The following MFSD6 variants were observed in gnomAD, a reference collection of about 807,000 sequenced individuals.
The protein encoded by MFSD6 is major facilitator superfamily domain-containing protein 6.
A neutral mutation model predicts 56.3 loss-of-function variants in MFSD6; 26 were observed. That is an observed-to-expected ratio of 0.46 (90% CI 0.34 to 0.64). MFSD6 has a LOEUF of 0.64. Ranked by LOEUF, MFSD6 falls within the 30% of genes least tolerant of loss-of-function variation. The probability of loss-of-function intolerance (pLI) is 0.01; values close to 1 mark genes in which losing one functional copy is unlikely to be tolerated. For missense variants in MFSD6, 750 were observed against 986.2 expected (o/e 0.76, Z 3.21); for synonymous variants, 331 against 366.9 (o/e 0.90, Z 1.12).
At chr2:190,429,994 C>T (rs985660412) in intron 2 of MFSD6, among the ~76,000 whole-genome samples, 1 of 151,170 alleles carries the variant, frequency 6.6e-6, no homozygotes, top group African/African-American at 2.4e-5. Context: ...TATCCCTCCC[C>T]CAGCTCCCCA....
At chr2:190,453,621 C>T (rs960314668) in intron 3 of MFSD6, among the ~76,000 whole-genome samples, 30 of 152,216 alleles carry the variant, frequency 2.0e-4, no homozygotes, top group African/African-American at 6.5e-4. Flanking sequence ...ATAAAAATTA[C>T]ATCCTAATGT....
rs1685704380 is a variant in MFSD6 at position 190,423,751 on chromosome 2, A to G, written c.-54+8338A>G. 6.6e-6 allele frequency among the ~76,000 whole-genome samples: 1 copy of G among 152,204 alleles called. No individual in the cohort carries two copies. Among genetic ancestry groups the G allele is most frequent in the Non-Finnish European group, 1.5e-5 (1 of 68,030 alleles). ...GAGTGGTGTACCATTTTAAATCCCC[A>G]CCCACAGTATATGAGTAATTTGGTA... On this transcript the variant is annotated intron_variant, in intron 2 of 7. Transcript: ENST00000392328. The surrounding 1 kb of genome is among the most constrained non-coding windows in gnomAD (Gnocchi z 4.3).
chr2:190,457,092 C>CA lies in MFSD6; in HGVS notation c.1533-12664dup, dbSNP rs1376084409. Among the ~76,000 whole-genome samples, 1 of 152,200 alleles carries CA rather than the reference C, an allele frequency of 6.6e-6. No individual in the cohort carries two copies. The highest frequency in any genetic ancestry group is 2.4e-5 in the African/African-American group (1 of 41,450). On this transcript the variant is annotated intron_variant, in intron 3 of 7. Coordinates refer to ENST00000392328, the MANE Select transcript of MFSD6 (RefSeq NM_017694.4). This position sits in a 1 kb window ranked among gnomAD's most constrained non-coding sequence, Gnocchi z 5.1. ...CACTGCTAGTCCGTTTCTTATGGTC[C>CA]AATCCAGAGGTATTTCCTCAAGCCC...
In MFSD6 at chr2:190,431,550, C is replaced by T. The variant is rs546866456; in HGVS notation, c.-53-4427C>T. On this transcript the variant is annotated intron_variant, in intron 2 of 7. Transcript: ENST00000392328. This position sits in a 1 kb window ranked among gnomAD's most constrained non-coding sequence, Gnocchi z 4.4. The stretch of plus-strand genomic sequence containing the variant: ...AAACCCCGTCTCCACCAAAAAAATA[C>T]GAAAACCAGTCAGGTGTGGCGGCGC... 5.3e-5 allele frequency among the ~76,000 whole-genome samples: 8 copies of T among 152,328 alleles called. No individual in the cohort carries two copies. The highest frequency in any genetic ancestry group is 1.9e-4 in the African/African-American group (8 of 41,582).
At position 190,434,569 on chromosome 2, in the gene MFSD6, G is replaced by A. The variant is rs1686113268; in HGVS notation, c.-53-1408G>A. 6.6e-6 allele frequency among the ~76,000 whole-genome samples: 1 copy of A among 152,146 alleles called. No homozygotes were observed. Among genetic ancestry groups the A allele is most frequent in the Admixed American group, 6.5e-5 (1 of 15,278 alleles). ...GCCTGCCTCAGCTTCCCAAGTAGCT[G>A]GGACTACATGCGTGCCACCAGGCCC... On this transcript the variant is annotated intron_variant, in intron 2 of 7. Transcript: ENST00000392328. This position sits in a 1 kb window ranked among gnomAD's most constrained non-coding sequence, Gnocchi z 4.3.
rs1327569303 is a variant in MFSD6, at chr2:190,438,945, T to A, written c.1532+1384T>A. Among the ~76,000 whole-genome samples, 2 of 152,190 alleles carry A rather than the reference T, an allele frequency of 1.3e-5. No homozygotes were observed. The highest frequency in any genetic ancestry group is 4.8e-5 in the African/African-American group (2 of 41,442). ...GGAGGTGGTGTTCTGTTCCTTCCCT[T>A]TCTCAGATCTTCGATCCCTTTGTTG... On this transcript the variant is annotated intron_variant, in intron 3 of 7. Transcript: ENST00000392328. The surrounding 1 kb of genome is among the most constrained non-coding windows in gnomAD (Gnocchi z 5.2).
chr2:190,494,703 G>A lies in MFSD6; in HGVS notation c.1892-2736G>A, dbSNP rs2125258248. Among the ~76,000 whole-genome samples the A allele has an allele frequency of 6.6e-6, 1 of 152,210 alleles. No individual in the cohort carries two copies. Among genetic ancestry groups the A allele is most frequent in the South Asian group, 2.1e-4 (1 of 4,826 alleles). On this transcript the variant is annotated intron_variant, in intron 6 of 7. Coordinates refer to ENST00000392328, the MANE Select transcript of MFSD6 (RefSeq NM_017694.4). The surrounding 1 kb of genome is among the most constrained non-coding windows in gnomAD (Gnocchi z 5.7). ...TGCAGGAATGGTTTAACATATGCAA[G>A]CCAATAAATGTCTTTCACCACATAA...
chr2:190,414,640 ACT>A lies in MFSD6; in HGVS notation c.-175-649_-175-648del, dbSNP rs1380283572. On this transcript the variant is annotated intron_variant, in intron 1 of 7. Transcript: ENST00000392328. The stretch of plus-strand genomic sequence containing the variant: ...TGAATGATCAGACCTCAATTTAATA[ACT>A]CTATAATTTTTCAGGAACTCCGGGA... Among the ~76,000 whole-genome samples, 16 of 152,196 alleles carry A rather than the reference ACT, an allele frequency of 1.1e-4. No homozygotes were observed. The East Asian group carries it at 2.7e-3, about 26-fold the overall frequency.
intron 1 of MFSD6, chr2:190,411,039 A>G: frequency 2.4e-6 from 2 of 849,974 alleles, no homozygotes; most frequent in Non-Finnish European, 2.8e-6. Context: ...TGGGCAACAG[A>G]GCGAGACTCT....
chr2:190,422,791 T>C (rs1230905731), intron 2 of MFSD6, among the ~76,000 whole-genome samples: 1 of 152,140 alleles, frequency 6.6e-6, no homozygotes, highest in African/African-American at 2.4e-5. Flanking sequence ...CTTCCCTTAA[T>C]TTTTTTCTTT....
At chr2:190,475,074 A>G (rs1425715372) in intron 4 of MFSD6, among the ~76,000 whole-genome samples, 1 of 152,210 alleles carries the variant, frequency 6.6e-6, no homozygotes, top group Non-Finnish European at 1.5e-5. Context: ...TCAAAATAAT[A>G]AGAGCTATCT....
rs1690669937 is a variant in MFSD6, at chr2:190,413,849, T to G, written c.-175-1443T>G. Among the ~76,000 whole-genome samples, 1 of 152,066 alleles carries G rather than the reference T, an allele frequency of 6.6e-6. No individual in the cohort carries two copies. Among genetic ancestry groups the G allele is most frequent in the Admixed American group, 6.6e-5 (1 of 15,260 alleles). ...TATACTGTGGGGTGAAGAGGAGACA[T>G]GGCAGTCAGGGCCCAGGATTCCAGG... On this transcript the variant is annotated intron_variant, in intron 1 of 7. Transcript: ENST00000392328. This position sits in a 1 kb window ranked among gnomAD's most constrained non-coding sequence, Gnocchi z 4.1.
chr2:190,412,450 A>C lies in MFSD6; in HGVS notation c.-175-2842A>C. 1.0e-6 allele frequency: 1 copy of C among 985,456 alleles called. No individual in the cohort carries two copies. Among genetic ancestry groups the C allele is most frequent in the Non-Finnish European group, 1.2e-6 (1 of 829,926 alleles). 61.0% of individuals were successfully genotyped at this position (985,456 alleles called of 1,614,324 possible). Reference sequence around the variant, plus strand: ...TGTTCAATAGGTTATCTTTAAAGGCAGAAATCAAGTGCAAAGTCCTACCCT... The same window carrying C: ...TGTTCAATAGGTTATCTTTAAAGGCCGAAATCAAGTGCAAAGTCCTACCCT... On this transcript the variant is annotated intron_variant, in intron 1 of 7. Transcript: ENST00000392328. This position sits in a 1 kb window ranked among gnomAD's most constrained non-coding sequence, Gnocchi z 4.1.
rs191134873 is a variant in MFSD6, at chr2:190,468,647, C to T, written c.1533-1111C>T. 8.4e-3 allele frequency among the ~76,000 whole-genome samples: 1,187 copies of T among 142,078 alleles called. 12 individuals carry two copies. The highest frequency in any genetic ancestry group is 0.029 in the African/African-American group (1,094 of 38,200). The allele number at this position is 142,078 out of a possible 152,430, so 93.2% of individuals were successfully genotyped here. On this transcript the variant is annotated intron_variant, in intron 3 of 7. Transcript: ENST00000392328. ...TTTTTTTTTTTTTTTTTGGTAGAGA[C>T]AGGTTCTCACTATGTTGCCCAGGCT...
Position 190,477,003 on chromosome 2 carries a change from A to G in MFSD6, c.1630+7148A>G, listed in dbSNP as rs112312980. ...CTCACTCATAGGTGGGAATTGAACA[A>G]TGTGAACACATGGACACAGGAAGGG... On this transcript the variant is annotated intron_variant, in intron 4 of 7. Coordinates refer to ENST00000392328, the MANE Select transcript of MFSD6 (RefSeq NM_017694.4). Among the ~76,000 whole-genome samples the G allele has an allele frequency of 2.5e-3, 339 of 137,478 alleles. 3 individuals are homozygous for G. Among genetic ancestry groups the G allele is most frequent in the African/African-American group, 3.7e-3 (135 of 36,344 alleles). The allele number at this position is 137,478 out of a possible 152,430, so 90.2% of individuals were successfully genotyped here. A position where few individuals can be genotyped will look rare whatever the true frequency, so the allele number is the denominator to read the frequency against.
In MFSD6 at chr2:190,492,141, C is replaced by T. The variant is rs1056916352; in HGVS notation, c.1891+2275C>T. On this transcript the variant is annotated intron_variant, in intron 6 of 7. Coordinates refer to ENST00000392328, the MANE Select transcript of MFSD6 (RefSeq NM_017694.4). The surrounding 1 kb of genome is among the most constrained non-coding windows in gnomAD (Gnocchi z 5.2). Reference sequence around the variant, plus strand: ...AATTTTAAAAAATGAACAAAGCCTCCAAGAAGTTTAGGATTATGTTAAATA... The same window carrying T: ...AATTTTAAAAAATGAACAAAGCCTCTAAGAAGTTTAGGATTATGTTAAATA... Among the ~76,000 whole-genome samples, 1 of 152,012 alleles carries T rather than the reference C, an allele frequency of 6.6e-6. No homozygotes were observed.
Position 190,436,866 on chromosome 2 carries a change from T to G in MFSD6, c.837T>G (p.Tyr279Ter). ...SLPSDQVMLV[Y>*]DQQEVEAIFL... ...CTTCTGACCAAGTCATGCTTGTTTA[T>G]GATCAACAAGAAGTTGAAGCTATAT... The change falls in exon 3 of 8, where the codon TAT becomes TAG. Residue 279 changes from tyrosine to a stop codon, truncating the protein, a stop_gained. Transcript: ENST00000392328. LOFTEE classifies it high-confidence loss of function. This position sits in a 1 kb window ranked among gnomAD's most constrained non-coding sequence, Gnocchi z 5.3. 1 of 1,614,272 alleles carries G rather than the reference T, an allele frequency of 6.2e-7. No individual in the cohort carries two copies. The highest frequency in any genetic ancestry group is 8.5e-7 in the Non-Finnish European group (1 of 1,180,042).
At position 190,416,675 on chromosome 2, in the gene MFSD6, A is replaced by G. The variant is rs1164672778; in HGVS notation, c.-54+1262A>G. On this transcript the variant is annotated intron_variant, in intron 2 of 7. Coordinates refer to ENST00000392328, the MANE Select transcript of MFSD6 (RefSeq NM_017694.4). The surrounding 1 kb of genome is among the most constrained non-coding windows in gnomAD (Gnocchi z 4.1). Reference sequence around the variant, plus strand: ...AAAATAAGACCCAGAGTTTTAATGAAATATCTGGAATAAAACTACAACTAC... The same window carrying G: ...AAAATAAGACCCAGAGTTTTAATGAGATATCTGGAATAAAACTACAACTAC... 6.6e-6 allele frequency among the ~76,000 whole-genome samples: 1 copy of G among 152,218 alleles called. No homozygotes were observed. Among genetic ancestry groups the G allele is most frequent in the Non-Finnish European group, 1.5e-5 (1 of 68,034 alleles).
At position 190,418,758 on chromosome 2, in the gene MFSD6, AAAAACAAAAC is replaced by A. The variant is rs762982626; in HGVS notation, c.-54+3355_-54+3364del. 6.6e-6 allele frequency among the ~76,000 whole-genome samples: 1 copy of A among 152,202 alleles called. No individual in the cohort carries two copies. The highest frequency in any genetic ancestry group is 2.4e-5 in the African/African-American group (1 of 41,456). ...GGTGGCAGAAGGAGCCCCTATCTAA[AAAAACAAAAC>A]AAAACAAAAGAATGACAAGGGTGCC... On this transcript the variant is annotated intron_variant, in intron 2 of 7. Coordinates refer to ENST00000392328, the MANE Select transcript of MFSD6 (RefSeq NM_017694.4). This position sits in a 1 kb window ranked among gnomAD's most constrained non-coding sequence, Gnocchi z 4.1.
Sources: gnomAD v4.1 joint callset for allele counts (sites outside exome capture counted in the v4.1 genomes callset) on GRCh38, gnomAD v4.1.1 for gene constraint, Gnocchi (gnomAD v3.1) non-coding constraint, MANE v1.5 for transcripts, NCBI Gene and HGNC (gene_info 2026-07-23, HGNC 2026-07-21) for gene names.